The following TBC1D10A variants were observed in gnomAD, a reference collection of about 807,000 sequenced individuals.
TBC1D10A encodes TBC1 domain family member 10A, also known as EBP50-PDX interactor of 64 kDa.
TBC1D10A carries 24 observed loss-of-function variants against 52.9 expected under a neutral mutation model. The ratio of observed to expected loss-of-function variants is 0.45; its 90% CI spans 0.33 to 0.64. The LOEUF (loss-of-function observed/expected upper bound fraction) is 0.64, where lower values mean the gene tolerates loss of function less well. Ranked by LOEUF, TBC1D10A falls within the 30% of genes least tolerant of loss-of-function variation. The pLI is 0.02. For missense variants in TBC1D10A, 602 were observed against 687.9 expected (o/e 0.88, Z 1.40); for synonymous variants, 278 against 282.9 (o/e 0.98, Z 0.17).
At chr22:30,315,635 C>T (rs4820003) in intron 1 of TBC1D10A, among the ~76,000 whole-genome samples, 48,231 of 151,944 alleles carry the variant, frequency 0.32, 7,907 homozygotes, top group East Asian at 0.42. Flanking sequence ...AGTGGCTGGC[C>T]GCGGAAGATC....
intron 1 of TBC1D10A, among the ~76,000 whole-genome samples, chr22:30,321,341 C>T (rs1383038730): frequency 2.0e-5 from 3 of 152,350 alleles, no homozygotes; most frequent in East Asian, 3.9e-4. Context: ...CCAATGCCAG[C>T]TCCATGCTCT....
chr22:30,318,798 C>A, intron 1 of TBC1D10A: 1 of 448,040 alleles, frequency 2.2e-6, no homozygotes, highest in Admixed American at 2.4e-5. Context: ...GGTCTCACTG[C>A]CTGCAATCCA....
At chr22:30,316,883 A>T (rs1930548591) in intron 1 of TBC1D10A, among the ~76,000 whole-genome samples, 1 of 152,012 alleles carries the variant, frequency 6.6e-6, no homozygotes, top group African/African-American at 2.4e-5. Flanking sequence ...TACAAAAAGT[A>T]AAAAAAGTAG....
rs5763935 is a variant in TBC1D10A, at chr22:30,297,314, C to T, written c.418-1471G>A. On this transcript the variant is annotated intron_variant, in intron 3 of 8. Transcript: ENST00000215790. The surrounding 1 kb of genome is among the most constrained non-coding windows in gnomAD (Gnocchi z 4.3). ...ATGGGGGTCTGTGTACTGTGCACCTCTAAGTACTGTCTGAGCGCAGTGCAG... is the reference window on the plus strand; with the variant it reads ...ATGGGGGTCTGTGTACTGTGCACCTTTAAGTACTGTCTGAGCGCAGTGCAG... 1.1e-4 allele frequency: 16 copies of T among 152,264 alleles called. No individual in the cohort carries two copies. Among genetic ancestry groups the T allele is most frequent in the Admixed American group, 1.0e-3 (16 of 15,278 alleles). 9.4% of individuals were successfully genotyped at this position (152,264 alleles called of 1,614,324 possible).
chr22:30,300,019 C>T (rs1425929522), intron 2 of TBC1D10A, among the ~76,000 whole-genome samples: 3 of 151,616 alleles, frequency 2.0e-5, no homozygotes, highest in South Asian at 2.1e-4. Context: ...TCCTATGGTG[C>T]GGGGAGAGGA....
At position 30,294,054 on chromosome 22, in the gene TBC1D10A, C is replaced by G; in HGVS notation, c.762G>C (p.Pro254=). The part of the protein sequence containing the change: ...ILFSLLQKVS[P]VAHKHLSRQK... ...GACGGCTGAGGTGCTTGTGGGCCAC[C>G]GGCGACACCTTCTGCAACAGCGAGA... The change falls in exon 7 of 9, where the codon CCG becomes CCC. Residue 254 remains proline, a synonymous_variant. Coordinates refer to ENST00000215790, the MANE Select transcript of TBC1D10A (RefSeq NM_031937.3). 1 of 1,614,088 alleles carries G rather than the reference C, an allele frequency of 6.2e-7. No homozygotes were observed. The highest frequency in any genetic ancestry group is 8.5e-7 in the Non-Finnish European group (1 of 1,180,012).
In TBC1D10A at chr22:30,294,982, C is replaced by A. The variant is rs1290084957; in HGVS notation, c.598G>T (p.Ala200Ser). 6.2e-7 allele frequency: 1 copy of A among 1,614,086 alleles called. No individual in the cohort carries two copies. Among genetic ancestry groups the A allele is most frequent in the Non-Finnish European group, 8.5e-7 (1 of 1,180,028 alleles). ...RPEEGYCQAQ[A>S]PIAAVLLMHM... Reference sequence around the variant, plus strand: ...ATGAGCAAGACAGCGGCAATGGGCGCCTGGGCCTGGCAGTAGCCCTCCTCG... The same window carrying A: ...ATGAGCAAGACAGCGGCAATGGGCGACTGGGCCTGGCAGTAGCCCTCCTCG... The change falls in exon 5 of 9, where the codon GCG becomes TCG. Residue 200 changes from alanine to serine, a missense_variant. Physicochemically the swap from Ala to Ser is moderately conservative, Grantham distance 99. Coordinates refer to ENST00000215790, the MANE Select transcript of TBC1D10A (RefSeq NM_031937.3).
chr22:30,306,049 C>G (rs1930304100), intron 1 of TBC1D10A, among the ~76,000 whole-genome samples: 1 of 152,192 alleles, frequency 6.6e-6, no homozygotes, highest in Admixed American at 6.5e-5. Context: ...CTCCGGGCAA[C>G]CCCCAAACAT....
chr22:30,325,554 C>T (rs1003101218), intron 1 of TBC1D10A, among the ~76,000 whole-genome samples: 3 of 152,130 alleles, frequency 2.0e-5, no homozygotes, highest in Non-Finnish European at 4.4e-5. Context: ...ACTGGTCTCA[C>T]GTGACAGGAC....
intron 1 of TBC1D10A, among the ~76,000 whole-genome samples, chr22:30,315,841 T>C (rs1385466728): frequency 6.6e-6 from 1 of 152,004 alleles, no homozygotes; most frequent in Non-Finnish European, 1.5e-5. Context: ...AAAAACAACC[T>C]GAAAAGCCTG....
intron 1 of TBC1D10A, 30 bp downstream of exon 1, chr22:30,326,643 C>T: frequency 1.3e-6 from 2 of 1,555,542 alleles, no homozygotes; most frequent in Non-Finnish European, 8.7e-7. Context: ...GTGGGTGGCG[C>T]GCTCAGTCCC....
chr22:30,301,343 G>A (rs1379562855), intron 2 of TBC1D10A, among the ~76,000 whole-genome samples: 1 of 152,222 alleles, frequency 6.6e-6, no homozygotes, highest in Non-Finnish European at 1.5e-5. Context: ...CCTGACCTGG[G>A]ATAAAGGGGA....
intron 8 of TBC1D10A, chr22:30,293,059 C>T (rs950167842): frequency 9.5e-6 from 6 of 629,308 alleles, no homozygotes; most frequent in Non-Finnish European, 1.7e-5. Flanking sequence ...GACCCACCGC[C>T]TCAGAGGATA....
rs772289218 is a variant in TBC1D10A, at chr22:30,292,758, G to A, written c.1144C>T (p.Arg382Cys). Reference sequence around the variant, plus strand: ...GCACCATGCAGCCTGGGCGGGGAGCGGCACTGCAGCTCACCCCGGGTCTCC... The same window carrying A: ...GCACCATGCAGCCTGGGCGGGGAGCAGCACTGCAGCTCACCCCGGGTCTCC... ...WQETRGELQC[R>C]SPPRLHGAKA... The change falls in exon 9 of 9, where the codon CGC becomes TGC. Residue 382 changes from arginine (R) to cysteine (C), a missense_variant. Physicochemically the swap from Arg to Cys is radical, Grantham distance 180. Coordinates refer to ENST00000215790, the MANE Select transcript of TBC1D10A (RefSeq NM_031937.3). 2.7e-5 allele frequency: 44 copies of A among 1,611,882 alleles called. No individual in the cohort carries two copies. The highest frequency in any genetic ancestry group is 1.6e-4 in the South Asian group (15 of 90,934).
intron 6 of TBC1D10A, 105 bp from the exon 7 acceptor site, chr22:30,294,215 C>T: frequency 7.6e-7 from 1 of 1,307,348 alleles, no homozygotes; most frequent in Non-Finnish European, 1.1e-6. Context: ...GCTCAGGCAG[C>T]TACCGCCTGC....
chr22:30,324,246 C>T (rs1930719058), intron 1 of TBC1D10A, among the ~76,000 whole-genome samples: 1 of 152,204 alleles, frequency 6.6e-6, no homozygotes, highest in South Asian at 2.1e-4. Context: ...CCTTCAACCA[C>T]GAGACTGGGT....
At chr22:30,320,070 C>T (rs1193199696) in intron 1 of TBC1D10A, among the ~76,000 whole-genome samples, 3 of 152,208 alleles carry the variant, frequency 2.0e-5, no homozygotes. Flanking sequence ...GTTCTCCAAC[C>T]TTCAGATTCC....
intron 2 of TBC1D10A, among the ~76,000 whole-genome samples, chr22:30,304,015 C>T (rs1022372359): frequency 2.0e-5 from 3 of 152,206 alleles, no homozygotes; most frequent in Admixed American, 6.5e-5. Context: ...AAGAAGGCCT[C>T]GTACTGTGGT....
In TBC1D10A at chr22:30,292,658, T is replaced by TCCAC; in HGVS notation, c.1243_1244insGTGG (p.Asp415GlyfsTer91). ...GGCTTTGGAGCCAGGGAGGGGGGCA[T>TCCAC]CTAGGGGCAGGCGGATGGATGGTGA... On this transcript the variant is annotated frameshift_variant, in exon 9 of 9. Transcript: ENST00000215790. LOFTEE classifies it low-confidence loss of function (END_TRUNC). The TCCAC allele has an allele frequency of 6.2e-7, 1 of 1,610,724 alleles. No individual in the cohort carries two copies. Among genetic ancestry groups the TCCAC allele is most frequent in the South Asian group, 1.1e-5 (1 of 90,730 alleles).
Sources: allele counts gnomAD v4.1 joint callset (sites outside exome capture counted in the v4.1 genomes callset), GRCh38; gene constraint gnomAD v4.1.1; non-coding constraint Gnocchi (gnomAD v3.1); transcripts MANE v1.5; gene names NCBI Gene and HGNC (gene_info 2026-07-23, HGNC 2026-07-21).